RAPGEF1: variants seen among roughly 807,000 people sequenced by gnomAD.
The protein encoded by RAPGEF1 is CRK SH3-binding GNRP.
A neutral mutation model predicts 143.3 loss-of-function variants in RAPGEF1; 33 were observed. That is an observed-to-expected ratio of 0.23 (90% confidence interval 0.17 to 0.31). RAPGEF1 has a LOEUF of 0.31. Ranked by LOEUF, RAPGEF1 falls within the 10% of genes least tolerant of loss-of-function variation. The probability of loss-of-function intolerance (pLI) is 1.00; values close to 1 mark genes in which losing one functional copy is unlikely to be tolerated. For missense variants in RAPGEF1, 1,199 were observed against 1,645.4 expected (o/e 0.73, Z 4.69); for synonymous variants, 629 against 676.5 (o/e 0.93, Z 1.09).
chr9:131,601,151 G>A (rs1361202006), intron 15 of RAPGEF1, among the ~76,000 whole-genome samples: 12 of 122,490 alleles, frequency 9.8e-5, no homozygotes, highest in East Asian at 2.4e-4. Context: ...TAGCCTGGGC[G>A]ACAGAGTGAG....
At chr9:131,634,260 AAAG>A (rs538591736) in intron 5 of RAPGEF1, among the ~76,000 whole-genome samples, 342 of 152,150 alleles carry the variant, frequency 2.2e-3, no homozygotes, top group Non-Finnish European at 3.5e-3. Context: ...CTCAGAACAA[AAAG>A]AAGAAGAGAC....
chr9:131,608,249 G>T (rs1957428638), intron 12 of RAPGEF1, among the ~76,000 whole-genome samples: 1 of 152,234 alleles, frequency 6.6e-6, no homozygotes, highest in South Asian at 2.1e-4. Flanking sequence ...GCCAGCAGCA[G>T]CCGTCCTCTC....
At chr9:131,717,251 G>A (rs747317021) in intron 1 of RAPGEF1, among the ~76,000 whole-genome samples, 14 of 152,154 alleles carry the variant, frequency 9.2e-5, no homozygotes, top group Non-Finnish European at 1.3e-4. Context: ...CCTCTGCACT[G>A]AGCTGCATGA....
chr9:131,647,403 C>T (rs780219207), intron 3 of RAPGEF1, among the ~76,000 whole-genome samples: 4 of 152,164 alleles, frequency 2.6e-5, no homozygotes, highest in Non-Finnish European at 5.9e-5. Context: ...AGGGCTGGGG[C>T]GAGAAGGAGC....
intron 1 of RAPGEF1, among the ~76,000 whole-genome samples, chr9:131,699,136 T>C (rs1834429398): frequency 6.6e-6 from 1 of 152,156 alleles, no homozygotes; most frequent in South Asian, 2.1e-4. Context: ...ACCTTGTGTC[T>C]TCACTCCCGC....
At chr9:131,700,794 G>A (rs1834580041) in intron 1 of RAPGEF1, among the ~76,000 whole-genome samples, 1 of 152,202 alleles carries the variant, frequency 6.6e-6, no homozygotes, top group South Asian at 2.1e-4. Flanking sequence ...GTGTGCCGGA[G>A]AAGCCAGAAG....
At chr9:131,656,065 A>G (rs532639726) in intron 1 of RAPGEF1, among the ~76,000 whole-genome samples, 14 of 152,328 alleles carry the variant, frequency 9.2e-5, no homozygotes, top group African/African-American at 3.4e-4. Context: ...TGGATAATAC[A>G]ATAAGGTATT....
rs1009782742 is a variant in RAPGEF1 at position 131,588,690 on chromosome 9, A to G, written c.3053+111T>C. 4 of 1,150,582 alleles carry G rather than the reference A, an allele frequency of 3.5e-6. No individual in the cohort carries two copies. In the African/African-American group the frequency reaches 6.3e-5, roughly 18 times the overall value. 71.3% of individuals were successfully genotyped at this position (1,150,582 alleles called of 1,614,324 possible). On this transcript the variant is annotated intron_variant, in intron 20 of 26. Coordinates refer to ENST00000683357, the MANE Select transcript of RAPGEF1 (RefSeq NM_001377935.1). Reference sequence around the variant, plus strand: ...GGCTGTTCCTGAGGCACCTCATCAAAGGGCCTGTGCAGAACCAGGATGGGG... The same window carrying G: ...GGCTGTTCCTGAGGCACCTCATCAAGGGGCCTGTGCAGAACCAGGATGGGG...
At chr9:131,592,460 G>A (rs1454936702) in intron 17 of RAPGEF1, among the ~76,000 whole-genome samples, 2 of 152,206 alleles carry the variant, frequency 1.3e-5, no homozygotes, top group Non-Finnish European at 2.9e-5. Flanking sequence ...TTCTACCGAT[G>A]ATGGTGCTGC....
intron 1 of RAPGEF1, among the ~76,000 whole-genome samples, chr9:131,730,160 C>A (rs1160789808): frequency 7.0e-6 from 1 of 142,986 alleles, no homozygotes; most frequent in African/African-American, 2.6e-5. Flanking sequence ...CATCACTGCA[C>A]CCCAGCCTGG....
chr9:131,712,877 A>G (rs550703758), intron 1 of RAPGEF1, among the ~76,000 whole-genome samples: 2 of 152,162 alleles, frequency 1.3e-5, no homozygotes, highest in East Asian at 3.9e-4. Flanking sequence ...GGAGGGGGAG[A>G]GCAACAGAAT....
At chr9:131,611,704 C>G (rs1323918525) in intron 12 of RAPGEF1, among the ~76,000 whole-genome samples, 8 of 152,182 alleles carry the variant, frequency 5.3e-5, no homozygotes, top group Non-Finnish European at 1.2e-4. Flanking sequence ...GACAGGGGCT[C>G]TAATTTATAC....
chr9:131,728,385 T>A (rs1300907129), intron 1 of RAPGEF1, among the ~76,000 whole-genome samples: 1 of 152,156 alleles, frequency 6.6e-6, no homozygotes, highest in African/African-American at 2.4e-5. Flanking sequence ...AAGGAGAAAC[T>A]GGGGAGGTGT....
At chr9:131,705,313 C>T (rs1398861718) in intron 1 of RAPGEF1, among the ~76,000 whole-genome samples, 3 of 152,074 alleles carry the variant, frequency 2.0e-5, no homozygotes, top group Non-Finnish European at 4.4e-5. Flanking sequence ...AACAATGAAC[C>T]CTGCGACTGC....
At chr9:131,674,885 A>G (rs1240805136) in intron 1 of RAPGEF1, among the ~76,000 whole-genome samples, 1 of 152,092 alleles carries the variant, frequency 6.6e-6, no homozygotes, top group Non-Finnish European at 1.5e-5. Flanking sequence ...CAAGTGCTAC[A>G]CAAGTGAGGC....
chr9:131,672,726 C>G (rs1831614301), intron 1 of RAPGEF1, among the ~76,000 whole-genome samples: 1 of 152,190 alleles, frequency 6.6e-6, no homozygotes, highest in South Asian at 2.1e-4. Context: ...AATCTCATCT[C>G]AGATCAGAAC....
intron 1 of RAPGEF1, among the ~76,000 whole-genome samples, chr9:131,671,522 G>A (rs1564670217): frequency 6.6e-6 from 1 of 152,248 alleles, no homozygotes; most frequent in Non-Finnish European, 1.5e-5. Flanking sequence ...CTGCCACAGA[G>A]GTTCTGGGGG....
intron 1 of RAPGEF1, among the ~76,000 whole-genome samples, chr9:131,699,081 T>C (rs1277918977): frequency 6.6e-6 from 1 of 152,086 alleles, no homozygotes; most frequent in African/African-American, 2.4e-5. Context: ...ATTTCACCCT[T>C]TATGAAAAAA....
At position 131,641,793 on chromosome 9, in the gene RAPGEF1, G is replaced by A. The variant is rs940134516; in HGVS notation, c.494+1446C>T. Among the ~76,000 whole-genome samples the A allele has an allele frequency of 9.2e-5, 14 of 152,218 alleles. No individual in the cohort carries two copies. Among genetic ancestry groups the A allele is most frequent in the Non-Finnish European group, 1.6e-4 (11 of 68,038 alleles). On this transcript the variant is annotated intron_variant, in intron 4 of 26. Coordinates refer to ENST00000683357, the MANE Select transcript of RAPGEF1 (RefSeq NM_001377935.1). This position sits in a 1 kb window ranked among gnomAD's most constrained non-coding sequence, Gnocchi z 4.6. ...GACAAGCATGCCCTGCCTCCTTCCC[G>A]TCACCAACCAGCGCCAGCGAGCTTC...
Sources: allele counts gnomAD v4.1 joint callset (sites outside exome capture counted in the v4.1 genomes callset), GRCh38; gene constraint gnomAD v4.1.1; non-coding constraint Gnocchi (gnomAD v3.1); transcripts MANE v1.5; gene names NCBI Gene and HGNC (gene_info 2026-07-23, HGNC 2026-07-21).